Variants in IL1RL1 observed in about 807,000 individuals in gnomAD.
The protein encoded by IL1RL1 is interleukin 1 receptor like 1, also known as interleukin-1 receptor-like 1.
In IL1RL1, 32 loss-of-function variants were observed where a neutral mutation model predicts 50.9. The observed-to-expected ratio is 0.63, with a 90% CI of 0.47 to 0.84. The LOEUF (loss-of-function observed/expected upper bound fraction) is 0.84, where lower values mean the gene tolerates loss of function less well. IL1RL1 is among the 40% of genes least tolerant of loss of function. The pLI is 0.00. For missense variants in IL1RL1, 773 were observed against 662.9 expected (o/e 1.17, Z -1.82); for synonymous variants, 275 against 236.0 (o/e 1.17, Z -1.51).
At chr2:102,352,183 T>C (rs1050245472), downstream of IL1RL1, 43 of 417,356 alleles carry the variant, frequency 1.0e-4, no homozygotes, top group Middle Eastern at 6.0e-4. Context: ...CACTGTGGTG[T>C]GGGATGTTTT....
intron 1 of IL1RL1, chr2:102,312,887 T>G (rs1378610283): frequency 6.6e-6 from 1 of 152,116 alleles, no homozygotes; most frequent in African/African-American, 2.4e-5. Context: ...TGAATGTCAG[T>G]TTTTCCTTTA....
intron 8 of IL1RL1, chr2:102,343,819 A>C: frequency 9.6e-7 from 1 of 1,042,422 alleles, no homozygotes. Context: ...TCCGTTCTAT[A>C]CCTTTTTCTG....
In IL1RL1 at chr2:102,332,823, C is replaced by T. The variant is rs770986073; in HGVS notation, c.-149-5293C>T. Among the ~76,000 whole-genome samples the T allele has an allele frequency of 3.9e-4, 56 of 145,118 alleles. 1 individual carries two copies. The highest frequency in any genetic ancestry group is 6.7e-4 in the South Asian group (3 of 4,508). The stretch of plus-strand genomic sequence containing the variant: ...TAATTTTATGTTATGTAAATTTCAG[C>T]GCAATTTTTAAAAATCAGAAGCAAA... On this transcript the variant is annotated intron_variant, in intron 1 of 10. Coordinates refer to ENST00000233954, the MANE Select transcript of IL1RL1 (RefSeq NM_016232.5).
intron 1 of IL1RL1, among the ~76,000 whole-genome samples, chr2:102,311,973 T>TAATATATATTATATATA (rs1676510048): frequency 6.5e-5 from 1 of 15,430 alleles, no homozygotes; most frequent in Non-Finnish European, 1.1e-4. Flanking sequence ...TATATAATAT[T>TAATATATATTATATATA]ATATATAATA....
chr2:102,312,243 G>T (rs1676538761), intron 1 of IL1RL1, among the ~76,000 whole-genome samples: 1 of 145,312 alleles, frequency 6.9e-6, no homozygotes, highest in Non-Finnish European at 1.5e-5. Flanking sequence ...GTGTTTTGGT[G>T]CCTTATGCAA....
intron 4 of IL1RL1, 32 bp downstream of exon 4, chr2:102,340,304 A>T: frequency 6.5e-7 from 1 of 1,536,890 alleles, no homozygotes; most frequent in Non-Finnish European, 8.8e-7. Flanking sequence ...AATAGATGAA[A>T]ATTACACAAT....
At chr2:102,312,778 CCT>C (rs1676555674) in intron 1 of IL1RL1, 1 of 152,070 alleles carries the variant, frequency 6.6e-6, no homozygotes, top group Non-Finnish European at 1.5e-5. Flanking sequence ...CTGCTTTGAT[CCT>C]CTGCTTGGTG....
At chr2:102,318,158 T>C (rs561651741) in intron 1 of IL1RL1, among the ~76,000 whole-genome samples, 1 of 152,308 alleles carries the variant, frequency 6.6e-6, no homozygotes, top group East Asian at 1.9e-4. Context: ...CTCTAGCTTC[T>C]GCTTTGAAAA....
intron 1 of IL1RL1, among the ~76,000 whole-genome samples, chr2:102,311,857 A>AATTATATAATATATATTATATAATAT (rs1377243193): frequency 8.3e-5 from 4 of 48,186 alleles, no homozygotes; most frequent in South Asian, 9.5e-4. Context: ...TATATAATAT[A>AATTATATAATATATATTATATAATAT]ATTATATAAT....
At chr2:102,345,740 C>T in intron 8 of IL1RL1, 1 of 985,284 alleles carries the variant, frequency 1.0e-6, no homozygotes, top group Non-Finnish European at 1.2e-6. Flanking sequence ...GCTATAAGTG[C>T]CGTAGTGTTC....
rs1187679877 is a variant in IL1RL1 at position 102,351,637 on chromosome 2, G to A, written c.1387G>A (p.Glu463Lys). 6.2e-7 allele frequency: 1 copy of A among 1,614,128 alleles called. No individual in the cohort carries two copies. The highest frequency in any genetic ancestry group is 8.5e-7 in the Non-Finnish European group (1 of 1,180,012). Reference sequence around the variant, plus strand: ...CAATAAGGAGTTTGCCTACGAGCAGGAGGTTGCCCTGCACTGTGCCCTCAT... The same window carrying A: ...CAATAAGGAGTTTGCCTACGAGCAGAAGGTTGCCCTGCACTGTGCCCTCAT... ...THNKEFAYEQEVALHCALIQN... is the reference protein window; with the variant it reads ...THNKEFAYEQKVALHCALIQN... The change falls in exon 11 of 11, where the codon GAG (glutamate) becomes AAG (lysine). Residue 463 changes from glutamate (E) to lysine (K), a missense_variant. Coordinates refer to ENST00000233954, the MANE Select transcript of IL1RL1 (RefSeq NM_016232.5).
At chr2:102,336,304 TA>T (rs1369799677) in intron 1 of IL1RL1, among the ~76,000 whole-genome samples, 3 of 152,172 alleles carry the variant, frequency 2.0e-5, no homozygotes, top group Non-Finnish European at 4.4e-5. Context: ...TCCTTGTCTG[TA>T]AAATGGGCAT....
At chr2:102,326,904 G>A (rs1433169711) in intron 1 of IL1RL1, among the ~76,000 whole-genome samples, 4 of 152,054 alleles carry the variant, frequency 2.6e-5, no homozygotes, top group Non-Finnish European at 4.4e-5. Context: ...CAATAATAAT[G>A]GGAGACTTTA....
chr2:102,314,223 A>G (rs1046629417), intron 1 of IL1RL1, among the ~76,000 whole-genome samples: 1 of 152,218 alleles, frequency 6.6e-6, no homozygotes, highest in African/African-American at 2.4e-5. Flanking sequence ...CACACACCAC[A>G]TCCTGCCATT....
At chr2:102,322,858 G>A (rs551087252) in intron 1 of IL1RL1, among the ~76,000 whole-genome samples, 2 of 152,110 alleles carry the variant, frequency 1.3e-5, no homozygotes, top group South Asian at 2.1e-4. Flanking sequence ...ATTATAATTT[G>A]CCTATTGTTG....
In IL1RL1 at chr2:102,349,199, G is replaced by A. The variant is rs771075377; in HGVS notation, c.1238G>A (p.Cys413Tyr). Residue 413 changes from cysteine (C) to tyrosine (Y), a missense_variant, in exon 10 of 11, where the codon TGT becomes TAT. Transcript: ENST00000233954. ...CTGCCTGATGTTCTTGAAAATAAATGTGGCTATACCTTATGCATTTATGGG... is the reference window on the plus strand; with the variant it reads ...CTGCCTGATGTTCTTGAAAATAAATATGGCTATACCTTATGCATTTATGGG... ...QILPDVLENK[C>Y]GYTLCIYGRD... is the part of the protein sequence containing the mutation. The A allele has an allele frequency of 3.1e-6, 5 of 1,613,882 alleles. No individual in the cohort carries two copies. Among genetic ancestry groups the A allele is most frequent in the East Asian group, 2.2e-5 (1 of 44,870 alleles).
chr2:102,327,041 C>G (rs1042934955), intron 1 of IL1RL1, among the ~76,000 whole-genome samples: 1 of 152,214 alleles, frequency 6.6e-6, no homozygotes, highest in African/African-American at 2.4e-5. Flanking sequence ...CCAAAATCAA[C>G]AGAATATACA....
At chr2:102,343,204 C>T in intron 7 of IL1RL1, 27 bp downstream of exon 7, 1 of 1,613,982 alleles carries the variant, frequency 6.2e-7, no homozygotes, top group Non-Finnish European at 8.5e-7. Context: ...GAGAACCATC[C>T]TCTTCCCCTT....
At chr2:102,327,796 C>G (rs1677056115) in intron 1 of IL1RL1, among the ~76,000 whole-genome samples, 1 of 152,190 alleles carries the variant, frequency 6.6e-6, no homozygotes, top group Non-Finnish European at 1.5e-5. Flanking sequence ...TCTCCCAAGA[C>G]TAAACCAGGA....
Sources: allele counts gnomAD v4.1 joint callset (sites outside exome capture counted in the v4.1 genomes callset), GRCh38; gene constraint gnomAD v4.1.1; transcripts MANE v1.5; gene names NCBI Gene and HGNC (gene_info 2026-07-23, HGNC 2026-07-21).